Variants in SPON1 observed in about 807,000 individuals in gnomAD.
SPON1 encodes the protein spondin 1.
Under a neutral mutation model 111.7 loss-of-function variants are expected in SPON1, and 52 were observed. The ratio of observed to expected loss-of-function variants is 0.47; its 90% CI spans 0.37 to 0.59. The LOEUF (loss-of-function observed/expected upper bound fraction) is 0.59. Among genes scored for constraint, SPON1 ranks in the 20% least tolerant of loss-of-function variants. The pLI is 0.00. For missense variants in SPON1, 957 were observed against 1,068.5 expected, an observed-to-expected ratio of 0.90 and a Z score of 1.46; for synonymous variants, 410 against 395.8, an observed-to-expected ratio of 1.04 and a Z score of -0.43.
intron 6 of SPON1, among the ~76,000 whole-genome samples, chr11:14,157,512 CTTTA>C (rs1295751868): frequency 2.6e-5 from 4 of 152,042 alleles, no homozygotes; most frequent in Non-Finnish European, 5.9e-5. Flanking sequence ...GTAGGCATGA[CTTTA>C]TTTATATTTA....
At chr11:14,011,403 T>G (rs1369059361) in intron 2 of SPON1, among the ~76,000 whole-genome samples, 2 of 151,806 alleles carry the variant, frequency 1.3e-5, no homozygotes, top group Non-Finnish European at 2.9e-5. Flanking sequence ...ATCAGAAAAA[T>G]GCACTCACAC....
At chr11:14,231,835 G>T (rs186482419) in intron 6 of SPON1, among the ~76,000 whole-genome samples, 80 of 151,820 alleles carry the variant, frequency 5.3e-4, no homozygotes, top group African/African-American at 1.8e-3. Flanking sequence ...GTATATACGT[G>T]TGTGTGTGTG....
chr11:14,021,844 A>G (rs971500531), intron 2 of SPON1, among the ~76,000 whole-genome samples: 2 of 152,234 alleles, frequency 1.3e-5, no homozygotes, highest in Non-Finnish European at 2.9e-5. Context: ...CTTAAGCACA[A>G]TTCAATGGCT....
At chr11:14,093,999 G>T (rs1176328436) in intron 5 of SPON1, among the ~76,000 whole-genome samples, 1 of 152,108 alleles carries the variant, frequency 6.6e-6, no homozygotes, top group Non-Finnish European at 1.5e-5. Context: ...ATCACTTGAG[G>T]TCAGGAGTTT....
intron 6 of SPON1, among the ~76,000 whole-genome samples, chr11:14,230,122 T>G (rs1730264859): frequency 6.6e-6 from 1 of 152,150 alleles, no homozygotes; most frequent in Non-Finnish European, 1.5e-5. Flanking sequence ...CTTTCACAGC[T>G]TAGGAGAGCT....
intron 6 of SPON1, among the ~76,000 whole-genome samples, chr11:14,205,028 C>T (rs1848503474): frequency 6.6e-6 from 1 of 152,130 alleles, no homozygotes; most frequent in Non-Finnish European, 1.5e-5. Context: ...TTAGACGTTC[C>T]CCAGCACACC....
intron 3 of SPON1, among the ~76,000 whole-genome samples, chr11:14,060,633 G>A (rs1182127590): frequency 6.6e-6 from 1 of 152,192 alleles, no homozygotes; most frequent in African/African-American, 2.4e-5. Flanking sequence ...CCCACCTCTG[G>A]AAATTCTGAT....
chr11:14,138,548 C>T (rs1554928415), intron 6 of SPON1, among the ~76,000 whole-genome samples: 1 of 151,388 alleles, frequency 6.6e-6, no homozygotes, highest in East Asian at 1.9e-4. Context: ...TCCTGGTGGC[C>T]AGGACACCTG....
chr11:14,102,073 T>C (rs1220518918), intron 5 of SPON1, among the ~76,000 whole-genome samples: 1 of 152,242 alleles, frequency 6.6e-6, no homozygotes, highest in African/African-American at 2.4e-5. Context: ...ATTTCCTGAA[T>C]GTTTTTGTAA....
intron 1 of SPON1, among the ~76,000 whole-genome samples, chr11:13,967,768 CT>C (rs1564875296): frequency 1.3e-5 from 2 of 152,246 alleles, no homozygotes; most frequent in East Asian, 3.9e-4. Context: ...CCTCTCTTCC[CT>C]TTTTTGCACC....
Position 14,243,341 on chromosome 11 carries a change from G to A in SPON1, c.835G>A (p.Val279Ile), listed in dbSNP as rs374617015. 3.2e-5 allele frequency: 51 copies of A among 1,582,774 alleles called. No individual in the cohort carries two copies. Among genetic ancestry groups the A allele is most frequent in the Non-Finnish European group, 2.5e-5 (29 of 1,163,842 alleles). ...TGGTCCTTTTTTGCAGAGTGATGAG[G>A]TCCTCACCGTCATCAAAGCCAAAGC... Reference protein sequence around the residue: ...EEEIRQQSDEVLTVIKAKAQW... With the variant: ...EEEIRQQSDEILTVIKAKAQW... The change falls in exon 7 of 16, where the codon GTC becomes ATC. Residue 279 changes from valine (V) to isoleucine (I), a missense_variant. Physicochemically the swap from Val to Ile is conservative, Grantham distance 29 (BLOSUM62 3). Around this residue, in one of 5 missense-constraint regions of SPON1, gnomAD observed 122 missense variants for 143.2 expected, o/e 0.85. Coordinates refer to ENST00000576479, the MANE Select transcript of SPON1 (RefSeq NM_006108.4).
intron 15 of SPON1, among the ~76,000 whole-genome samples, chr11:14,264,639 CCTA>C (rs1849241750): frequency 1.3e-5 from 2 of 152,298 alleles, no homozygotes; most frequent in African/African-American, 4.8e-5. Flanking sequence ...TTCATTAAAG[CCTA>C]CTATGTGGCA....
chr11:13,969,896 T>G (rs569238476), intron 1 of SPON1, among the ~76,000 whole-genome samples: 3 of 152,338 alleles, frequency 2.0e-5, no homozygotes, highest in Admixed American at 6.5e-5. Context: ...AGATAAACCC[T>G]TGGTTTGCTC....
At chr11:14,247,727 G>C (rs1849008473) in intron 7 of SPON1, among the ~76,000 whole-genome samples, 2 of 152,166 alleles carry the variant, frequency 1.3e-5, no homozygotes, top group African/African-American at 4.8e-5. Context: ...ATGAAAGAGT[G>C]GTGAAGCCAC....
Position 14,038,131 on chromosome 11 carries a change from A to T in SPON1, c.346-3390A>T, listed in dbSNP as rs542305719. ...CAGTGAGCCGAGATCGTGCCACTGCACTCCAGCCTGGGTGACAGAGTGGGA... is the reference window on the plus strand; with the variant it reads ...CAGTGAGCCGAGATCGTGCCACTGCTCTCCAGCCTGGGTGACAGAGTGGGA... On this transcript the variant is annotated intron_variant, in intron 2 of 15. Coordinates refer to ENST00000576479, the MANE Select transcript of SPON1 (RefSeq NM_006108.4). Among the ~76,000 whole-genome samples the T allele has an allele frequency of 9.2e-5, 14 of 151,730 alleles. No homozygotes were observed. The East Asian group carries it at 2.7e-3, about 30-fold the overall frequency.
At chr11:14,057,035 A>C (rs1322867354) in intron 3 of SPON1, among the ~76,000 whole-genome samples, 3 of 152,080 alleles carry the variant, frequency 2.0e-5, no homozygotes, top group Non-Finnish European at 4.4e-5. Flanking sequence ...TAAACTAAAT[A>C]ATATAAATAA....
intron 2 of SPON1, among the ~76,000 whole-genome samples, chr11:14,029,143 A>G (rs1848540373): frequency 6.6e-6 from 1 of 151,826 alleles, no homozygotes; most frequent in South Asian, 2.1e-4. Flanking sequence ...ACACACACAC[A>G]CAAGCATGTG....
chr11:14,173,455 G>T (rs150764570), intron 6 of SPON1, among the ~76,000 whole-genome samples: 1 of 151,924 alleles, frequency 6.6e-6, no homozygotes, highest in Non-Finnish European at 1.5e-5. Context: ...CCTTTAGCTC[G>T]GAGTAGTTGG....
At chr11:14,108,769 A>C (rs1441402529) in intron 5 of SPON1, among the ~76,000 whole-genome samples, 1 of 150,166 alleles carries the variant, frequency 6.7e-6, no homozygotes, top group Non-Finnish European at 1.5e-5. Flanking sequence ...TTTTTTTTGT[A>C]AATAAGAAAA....
Sources: allele counts gnomAD v4.1 joint callset (sites outside exome capture counted in the v4.1 genomes callset), GRCh38; gene constraint gnomAD v4.1.1; regional missense constraint gnomAD v4.1.1; transcripts MANE v1.5; gene names NCBI Gene and HGNC (gene_info 2026-07-23, HGNC 2026-07-21).